PDE7A: variants seen among roughly 807,000 people sequenced by gnomAD.
The protein encoded by PDE7A is high affinity 3',5'-cyclic-AMP phosphodiesterase 7A.
PDE7A carries 39 observed loss-of-function variants against 64.3 expected under a neutral mutation model. The observed-to-expected ratio is 0.61, with a 90% CI of 0.47 to 0.79. PDE7A has a LOEUF of 0.79. PDE7A is among the 30% of genes least tolerant of loss of function. PDE7A has a pLI of 0.00. For synonymous variants in PDE7A, 203 were observed against 206.8 expected, an observed-to-expected ratio of 0.98 and a Z score of 0.16; for missense variants, 470 against 582.8, an observed-to-expected ratio of 0.81 and a Z score of 1.99.
chr8:65,816,820 CTT>C (rs1301793803), intron 1 of PDE7A, among the ~76,000 whole-genome samples: 2 of 152,154 alleles, frequency 1.3e-5, no homozygotes, highest in African/African-American at 4.8e-5. Flanking sequence ...GCATGGGTCT[CTT>C]TGTATTAATC....
chr8:65,836,760 C>A (rs536387050), intron 1 of PDE7A, among the ~76,000 whole-genome samples: 1 of 152,300 alleles, frequency 6.6e-6, no homozygotes, highest in African/African-American at 2.4e-5. Flanking sequence ...AGTAAAAATT[C>A]ATTTCCTCAG....
At chr8:65,798,206 A>ATATATATATTTTTTTTTT in intron 1 of PDE7A, among the ~76,000 whole-genome samples, 2 of 73,830 alleles carry the variant, frequency 2.7e-5, no homozygotes, top group African/African-American at 1.2e-4. Flanking sequence ...ATATATATAT[A>ATATATATATTTTTTTTTT]TTTTTTTTTT....
rs1015508375 is a variant in PDE7A at position 65,716,071 on chromosome 8, T to C, written c.*3219A>G. Among the ~76,000 whole-genome samples the C allele has an allele frequency of 6.2e-5, 9 of 146,278 alleles. No homozygotes were observed. The highest frequency in any genetic ancestry group is 2.3e-4 in the South Asian group (1 of 4,440). On this transcript the variant is annotated 3_prime_UTR_variant, in exon 13 of 13. Coordinates refer to ENST00000401827, the MANE Select transcript of PDE7A (RefSeq NM_001242318.3). ...CACTCAGGAGGCTGAGGTGGGAGGA[T>C]TGCTTGAGCCTAGGAGGTGGAGGCT...
In PDE7A at chr8:65,729,099, T is replaced by C. The variant is rs1320720303; in HGVS notation, c.697-1798A>G. 2.0e-5 allele frequency among the ~76,000 whole-genome samples: 3 copies of C among 152,182 alleles called. No homozygotes were observed. The East Asian group carries it at 5.8e-4, about 29-fold the overall frequency. Reference sequence around the variant, plus strand: ...TTTTTAAGGTGGATTAAAAGACAGATGTTATTTCCATTCTGTGATTACATC... The same window carrying C: ...TTTTTAAGGTGGATTAAAAGACAGACGTTATTTCCATTCTGTGATTACATC... On this transcript the variant is annotated intron_variant, in intron 7 of 12. Coordinates refer to ENST00000401827, the MANE Select transcript of PDE7A (RefSeq NM_001242318.3).
At chr8:65,806,086 C>T (rs1810101150) in intron 1 of PDE7A, among the ~76,000 whole-genome samples, 1 of 152,144 alleles carries the variant, frequency 6.6e-6, no homozygotes, top group African/African-American at 2.4e-5. Flanking sequence ...TTCATTACAG[C>T]ATTGTTTATA....
At chr8:65,835,081 G>A (rs538764962) in intron 1 of PDE7A, among the ~76,000 whole-genome samples, 2 of 152,288 alleles carry the variant, frequency 1.3e-5, no homozygotes, top group African/African-American at 4.8e-5. Context: ...TTTTAGGCAA[G>A]AATAAGCCAT....
At chr8:65,800,057 C>G (rs1235098758) in intron 1 of PDE7A, among the ~76,000 whole-genome samples, 1 of 152,094 alleles carries the variant, frequency 6.6e-6, no homozygotes, top group South Asian at 2.1e-4. Flanking sequence ...TAGCCTAAAA[C>G]AACAGCCAAA....
intron 1 of PDE7A, among the ~76,000 whole-genome samples, chr8:65,824,374 T>A (rs961487014): frequency 1.3e-5 from 2 of 152,196 alleles, no homozygotes; most frequent in African/African-American, 4.8e-5. Context: ...CTGGTGAAGA[T>A]GCTGTGAACA....
rs773850485 is a variant in PDE7A, at chr8:65,727,275, A to T, written c.723T>A (p.Asp241Glu). ...PKLANSVTPW[D>E]ILLSLIAAAT... ...CAGCTGCAATTAAGCTCAGCAAGAT[A>T]TCCCAAGGAGTTACAGAATTGGCAA... Residue 241 changes from aspartate to glutamate, a missense_variant, in exon 8 of 13, where the codon GAT becomes GAA. Asp to Glu is a conservative substitution (Grantham distance 45). Transcript: ENST00000401827. 1.2e-5 allele frequency: 20 copies of T among 1,613,232 alleles called. No individual in the cohort carries two copies. Among genetic ancestry groups the T allele is most frequent in the Admixed American group, 3.3e-5 (2 of 60,014 alleles).
At chr8:65,807,840 CAG>C (rs1810147001) in intron 1 of PDE7A, among the ~76,000 whole-genome samples, 1 of 152,146 alleles carries the variant, frequency 6.6e-6, no homozygotes, top group Admixed American at 6.5e-5. Flanking sequence ...GCAAAAGAGA[CAG>C]AACATGGGTC....
At chr8:65,824,462 A>C (rs1810618801) in intron 1 of PDE7A, among the ~76,000 whole-genome samples, 1 of 152,222 alleles carries the variant, frequency 6.6e-6, no homozygotes. Flanking sequence ...GACTGACTTC[A>C]ATTTTGGAAG....
At chr8:65,785,207 TCTAA>T (rs1291245889) in intron 1 of PDE7A, among the ~76,000 whole-genome samples, 4 of 152,064 alleles carry the variant, frequency 2.6e-5, no homozygotes, top group Non-Finnish European at 5.9e-5. Context: ...AAGATAAAAT[TCTAA>T]CTATCACCAC....
In PDE7A at chr8:65,716,059, G is replaced by A; in HGVS notation, c.*3231C>T. Among the ~76,000 whole-genome samples the A allele has an allele frequency of 6.9e-6, 1 of 145,450 alleles. No individual in the cohort carries two copies. Among genetic ancestry groups the A allele is most frequent in the Non-Finnish European group, 1.5e-5 (1 of 66,742 alleles). On this transcript the variant is annotated 3_prime_UTR_variant, in exon 13 of 13. Transcript: ENST00000401827. Reference sequence around the variant, plus strand: ...GTGGTGTGGTGGCACTCAGGAGGCTGAGGTGGGAGGATTGCTTGAGCCTAG... The same window carrying A: ...GTGGTGTGGTGGCACTCAGGAGGCTAAGGTGGGAGGATTGCTTGAGCCTAG...
chr8:65,789,963 C>T (rs965054825), intron 1 of PDE7A, among the ~76,000 whole-genome samples: 2 of 152,286 alleles, frequency 1.3e-5, no homozygotes, highest in East Asian at 1.9e-4. Context: ...GTAACAAATG[C>T]GATGAAGCAG....
At chr8:65,809,737 A>T (rs919410014) in intron 1 of PDE7A, among the ~76,000 whole-genome samples, 3 of 152,264 alleles carry the variant, frequency 2.0e-5, no homozygotes, top group Non-Finnish European at 4.4e-5. Context: ...CAGCCAACAG[A>T]CACATGAAAA....
At chr8:65,792,303 T>C (rs1200938485) in intron 1 of PDE7A, among the ~76,000 whole-genome samples, 1 of 152,194 alleles carries the variant, frequency 6.6e-6, no homozygotes, top group Non-Finnish European at 1.5e-5. Context: ...CTTTCTGGGG[T>C]TTATAAGGCT....
intron 1 of PDE7A, among the ~76,000 whole-genome samples, chr8:65,790,186 C>G (rs1809662791): frequency 6.6e-6 from 1 of 152,242 alleles, no homozygotes; most frequent in Admixed American, 6.5e-5. Context: ...CAGGGCGGCT[C>G]AAGGGCAGGG....
intron 7 of PDE7A, among the ~76,000 whole-genome samples, chr8:65,731,991 TG>T (rs1806911598): frequency 6.6e-6 from 1 of 151,720 alleles, no homozygotes. Context: ...TTATTATTGT[TG>T]TTGTTGTTGT....
intron 7 of PDE7A, among the ~76,000 whole-genome samples, chr8:65,731,888 A>G (rs1390081128): frequency 1.3e-5 from 2 of 152,144 alleles, no homozygotes; most frequent in Non-Finnish European, 2.9e-5. Flanking sequence ...CTCCTTAGTT[A>G]TGTACTGTCC....
Sources: allele counts gnomAD v4.1 joint callset (sites outside exome capture counted in the v4.1 genomes callset), GRCh38; gene constraint gnomAD v4.1.1; transcripts MANE v1.5; gene names NCBI Gene and HGNC (gene_info 2026-07-23, HGNC 2026-07-21).